Variants in REM1 observed in about 807,000 individuals in gnomAD.
The protein encoded by REM1 is GTP-binding protein REM 1.
In REM1, 20 loss-of-function variants were observed where a neutral mutation model predicts 27.0. The observed-to-expected ratio is 0.74, with a 90% CI of 0.52 to 1.08. The LOEUF is 1.08. Ranked by LOEUF, REM1 falls within the 50% of genes least tolerant of loss-of-function variation. The pLI is 0.00. For synonymous variants in REM1, 159 were observed against 167.9 expected, an observed-to-expected ratio of 0.95 and a Z score of 0.41; for missense variants, 405 against 407.0, an observed-to-expected ratio of 1.00 and a Z score of 0.04.
In REM1 at chr20:31,484,347, C is replaced by T. The variant is rs1980848159; in HGVS notation, c.814C>T (p.Leu272=). Residue 272 remains leucine, a synonymous_variant, in exon 5 of 5, where the codon CTG becomes TTG. Transcript: ENST00000201979. The part of the protein sequence containing the change: ...ASLAQRARRF[L]ARLTARSARR... ...CCTAGCCCAGCGCGCTCGTCGCTTC[C>T]TGGCACGCCTGACAGCCCGCAGCGC... 6.4e-7 allele frequency: 1 copy of T among 1,562,430 alleles called. No homozygotes were observed. The highest frequency in any genetic ancestry group is 1.9e-5 in the Admixed American group (1 of 52,544).
chr20:31,484,388 C>T lies in REM1; in HGVS notation c.855C>T (p.Leu285=), dbSNP rs908689812. The change falls in exon 5 of 5, where the codon CTC becomes CTT. Residue 285 remains leucine (L), a synonymous_variant. Transcript: ENST00000201979. The part of the protein sequence containing the change: ...LTARSARRRA[L]KARSKSCHNL... ...CCCGCAGCGCACGCCGCCGGGCACT[C>T]AAGGCCCGCTCCAAGTCCTGCCACA... The T allele has an allele frequency of 1.9e-6, 3 of 1,548,520 alleles. No individual in the cohort carries two copies. Among genetic ancestry groups the T allele is most frequent in the African/African-American group, 2.7e-5 (2 of 72,900 alleles).
intron 3 of REM1, among the ~76,000 whole-genome samples, chr20:31,478,782 A>G (rs1170365242): frequency 1.3e-5 from 2 of 152,076 alleles, no homozygotes; most frequent in Admixed American, 6.5e-5. Context: ...AAAGCTCTCA[A>G]ATAGCAAGTA....
chr20:31,482,515 C>G (rs1261764727), intron 4 of REM1, 27 bp downstream of exon 4: 20 of 1,606,358 alleles, frequency 1.2e-5, no homozygotes, highest in Non-Finnish European at 1.6e-5. Flanking sequence ...ACCACCTCCT[C>G]TTCACCTGGG....
In REM1 at chr20:31,482,400, G is replaced by A. The variant is rs376535489; in HGVS notation, c.537G>A (p.Leu179=). The change falls in exon 4 of 5, where the codon CTG becomes CTA. Residue 179 remains leucine (L), a synonymous_variant. Transcript: ENST00000201979. Reference sequence around the variant, plus strand: ...GTGCCTCTGAGCTCCGCATCCAGCTGCGGCGCACACATCAGGCAGACCATG... The same window carrying A: ...GTGCCTCTGAGCTCCGCATCCAGCTACGGCGCACACATCAGGCAGACCATG... ...FESASELRIQ[L]RRTHQADHVP... The A allele has an allele frequency of 4.0e-5, 64 of 1,614,068 alleles. No individual in the cohort carries two copies. The highest frequency in any genetic ancestry group is 4.6e-5 in the Non-Finnish European group (54 of 1,180,044).
intron 3 of REM1, among the ~76,000 whole-genome samples, chr20:31,481,207 A>T (rs1337524318): frequency 6.6e-6 from 1 of 152,164 alleles, no homozygotes; most frequent in Non-Finnish European, 1.5e-5. Context: ...TGGGAGGTGG[A>T]GGTTGCAGTA....
Position 31,475,586 on chromosome 20 carries a change from G to A in REM1, c.-220+220G>A, listed in dbSNP as rs1184504870. Among the ~76,000 whole-genome samples the A allele has an allele frequency of 6.6e-6, 1 of 152,220 alleles. No individual in the cohort carries two copies. Among genetic ancestry groups the A allele is most frequent in the Non-Finnish European group, 1.5e-5 (1 of 68,032 alleles). ...GATTCACACCCGGGATGCCGGCTGA[G>A]AAAGCTCGGACCCAGACTCCAGGAA... On this transcript the variant is annotated intron_variant, in intron 1 of 4. Coordinates refer to ENST00000201979, the MANE Select transcript of REM1 (RefSeq NM_014012.6). This position sits in a 1 kb window ranked among gnomAD's most constrained non-coding sequence, Gnocchi z 5.0.
Position 31,484,383 on chromosome 20 carries a change from G to T in REM1, c.850G>T (p.Ala284Ser), listed in dbSNP as rs1026919654. ...RLTARSARRRALKARSKSCHN... is the reference protein window; with the variant it reads ...RLTARSARRRSLKARSKSCHN... Reference sequence around the variant, plus strand: ...GACAGCCCGCAGCGCACGCCGCCGGGCACTCAAGGCCCGCTCCAAGTCCTG... The same window carrying T: ...GACAGCCCGCAGCGCACGCCGCCGGTCACTCAAGGCCCGCTCCAAGTCCTG... Residue 284 changes from alanine (A) to serine (S), a missense_variant, in exon 5 of 5, where the codon GCA becomes TCA. Ala to Ser is a moderately conservative substitution (Grantham distance 99). Coordinates refer to ENST00000201979, the MANE Select transcript of REM1 (RefSeq NM_014012.6). 1 of 1,552,840 alleles carries T rather than the reference G, an allele frequency of 6.4e-7. No homozygotes were observed. Among genetic ancestry groups the T allele is most frequent in the East Asian group, 2.4e-5 (1 of 41,640 alleles).
intron 3 of REM1, among the ~76,000 whole-genome samples, chr20:31,481,826 A>C (rs1980743997): frequency 1.3e-5 from 2 of 152,172 alleles, no homozygotes; most frequent in Non-Finnish European, 2.9e-5. Context: ...AACTGTCCTG[A>C]AAAATGCCTT....
At position 31,475,648 on chromosome 20, in the gene REM1, C is replaced by G. The variant is rs1980468298; in HGVS notation, c.-220+282C>G. Among the ~76,000 whole-genome samples, 1 of 152,206 alleles carries G rather than the reference C, an allele frequency of 6.6e-6. No individual in the cohort carries two copies. The highest frequency in any genetic ancestry group is 1.5e-5 in the Non-Finnish European group (1 of 68,028). ...TCCCGGGCCCTGTGGTCTGCCCTCC[C>G]CGTCCCCTGCCAGGACCCTGTCCTG... On this transcript the variant is annotated intron_variant, in intron 1 of 4. Transcript: ENST00000201979. The surrounding 1 kb of genome is among the most constrained non-coding windows in gnomAD (Gnocchi z 5.0).
intron 3 of REM1, among the ~76,000 whole-genome samples, chr20:31,478,318 G>GT (rs1980599417): frequency 6.6e-6 from 1 of 151,936 alleles, no homozygotes; most frequent in Admixed American, 6.6e-5. Flanking sequence ...CCGAGCTTCA[G>GT]TTTTCTCATC....
At chr20:31,476,846 G>A in intron 2 of REM1, 61 bp downstream of exon 2, 1 of 1,392,594 alleles carries the variant, frequency 7.2e-7, no homozygotes, top group South Asian at 1.4e-5. Context: ...TGTCACCAGG[G>A]ACACAGGGCT....
At chr20:31,479,168 G>A (rs966127624) in intron 3 of REM1, among the ~76,000 whole-genome samples, 1 of 152,174 alleles carries the variant, frequency 6.6e-6, no homozygotes, top group Non-Finnish European at 1.5e-5. Flanking sequence ...GACTGCATAA[G>A]AGTCCTCGTC....
chr20:31,484,132 C>A (rs1433144163), intron 4 of REM1, 27 bp from the exon 5 acceptor site: 2 of 1,547,364 alleles, frequency 1.3e-6, no homozygotes, highest in Non-Finnish European at 8.7e-7. Context: ...TGGCTCCACC[C>A]CTCCTCGCCG....
chr20:31,480,230 GACAGATAC>G (rs1286274312), intron 3 of REM1, among the ~76,000 whole-genome samples: 1 of 110,300 alleles, frequency 9.1e-6, no homozygotes, highest in Non-Finnish European at 1.7e-5. Flanking sequence ...TAGATAGATA[GACAGATAC>G]ATACATACAC....
intron 3 of REM1, 100 bp downstream of exon 3, chr20:31,478,010 A>G (rs759954595): frequency 6.6e-5 from 49 of 740,736 alleles, no homozygotes; most frequent in Non-Finnish European, 1.1e-4. Flanking sequence ...GGTGTGAGCA[A>G]CGGCCATCCT....
At position 31,484,420 on chromosome 20, in the gene REM1, C is replaced by A. The variant is rs1487226257; in HGVS notation, c.887C>A (p.Ala296Asp). ...KARSKSCHNL[A>D]VL Reference sequence around the variant, plus strand: ...CGCTCCAAGTCCTGCCACAATCTGGCCGTGCTCTGAAGCCCCCCGCCCTTC... The same window carrying A: ...CGCTCCAAGTCCTGCCACAATCTGGACGTGCTCTGAAGCCCCCCGCCCTTC... The change falls in exon 5 of 5, where the codon GCC becomes GAC. Residue 296 changes from alanine to aspartate, a missense_variant. Physicochemically the swap from Ala to Asp is moderately radical, Grantham distance 126. Transcript: ENST00000201979. 15 of 1,514,644 alleles carry A rather than the reference C, an allele frequency of 9.9e-6. No homozygotes were observed. The highest frequency in any genetic ancestry group is 9.7e-6 in the Non-Finnish European group (11 of 1,130,398). 93.8% of individuals were successfully genotyped at this position (1,514,644 alleles called of 1,614,324 possible). A position where few individuals can be genotyped will look rare whatever the true frequency, so the allele number is the denominator to read the frequency against.
chr20:31,483,972 C>G (rs928490364), intron 4 of REM1, among the ~76,000 whole-genome samples, 187 bp from the exon 5 acceptor site: 10 of 152,178 alleles, frequency 6.6e-5, no homozygotes, highest in African/African-American at 2.4e-4. Flanking sequence ...AATCTGACCC[C>G]TCCCTGACCC....
chr20:31,482,382 T>C lies in REM1; in HGVS notation c.519T>C (p.Ser173=). The part of the protein sequence containing the change: ...IADRGSFESA[S]ELRIQLRRTH... Reference sequence around the variant, plus strand: ...ACCGAGGCAGCTTTGAGAGTGCCTCTGAGCTCCGCATCCAGCTGCGGCGCA... The same window carrying C: ...ACCGAGGCAGCTTTGAGAGTGCCTCCGAGCTCCGCATCCAGCTGCGGCGCA... The change falls in exon 4 of 5, where the codon TCT becomes TCC. Residue 173 remains serine, a synonymous_variant. Coordinates refer to ENST00000201979, the MANE Select transcript of REM1 (RefSeq NM_014012.6). The C allele has an allele frequency of 1.2e-6, 2 of 1,614,176 alleles. No individual in the cohort carries two copies. Among genetic ancestry groups the C allele is most frequent in the Non-Finnish European group, 1.7e-6 (2 of 1,180,016 alleles).
chr20:31,478,126 C>A (rs542017805), intron 3 of REM1, among the ~76,000 whole-genome samples: 2 of 152,220 alleles, frequency 1.3e-5, no homozygotes, highest in South Asian at 4.1e-4. Flanking sequence ...CCCCTCCTAG[C>A]AGCCATCTCA....
Sources: allele counts gnomAD v4.1 joint callset (sites outside exome capture counted in the v4.1 genomes callset), GRCh38; gene constraint gnomAD v4.1.1; non-coding constraint Gnocchi (gnomAD v3.1); transcripts MANE v1.5; gene names NCBI Gene and HGNC (gene_info 2026-07-23, HGNC 2026-07-21).